The following KHDRBS2 variants were observed in gnomAD, a reference collection of about 807,000 sequenced individuals.
KHDRBS2 encodes the protein KH domain-containing, RNA-binding, signal transduction-associated protein 2.
Under a neutral mutation model 44.3 loss-of-function variants are expected in KHDRBS2, and 26 were observed. The observed-to-expected ratio is 0.59, with a 90% CI of 0.43 to 0.81. KHDRBS2 has a LOEUF of 0.81. Ranked by LOEUF, KHDRBS2 falls within the 40% of genes least tolerant of loss-of-function variation. The pLI is 0.00. For missense variants in KHDRBS2, 476 were observed against 433.1 expected (o/e 1.10, Z -0.88); for synonymous variants, 194 against 151.1 (o/e 1.28, Z -2.08).
intron 1 of KHDRBS2, among the ~76,000 whole-genome samples, chr6:62,192,115 C>G (rs1418511200): frequency 6.6e-6 from 1 of 151,846 alleles, no homozygotes; most frequent in Non-Finnish European, 1.5e-5. Context: ...AAAATAAGCT[C>G]TCAGAGAGCT....
At chr6:62,184,652 G>C (rs557089314) in intron 1 of KHDRBS2, among the ~76,000 whole-genome samples, 1 of 151,768 alleles carries the variant, frequency 6.6e-6, no homozygotes, top group South Asian at 2.1e-4. Context: ...CCAGGGAGTG[G>C]GCAATTAAAG....
chr6:62,140,299 T>C (rs772902116), intron 2 of KHDRBS2, among the ~76,000 whole-genome samples: 3 of 152,174 alleles, frequency 2.0e-5, no homozygotes, highest in Non-Finnish European at 4.4e-5. Flanking sequence ...GCAGAAGAGC[T>C]AGGTACAGAC....
chr6:61,817,895 G>A (rs191761771), intron 6 of KHDRBS2, among the ~76,000 whole-genome samples: 7 of 152,198 alleles, frequency 4.6e-5, no homozygotes, highest in African/African-American at 9.6e-5. Context: ...ATTGGTGACA[G>A]GCCAGACTTT....
chr6:61,862,346 C>T (rs1797109747), intron 6 of KHDRBS2, among the ~76,000 whole-genome samples: 1 of 152,084 alleles, frequency 6.6e-6, no homozygotes, highest in Admixed American at 6.5e-5. Flanking sequence ...CCAGAACTTC[C>T]AATACTATGT....
At chr6:61,646,786 C>T in the KHDRBS2 span, among the ~76,000 whole-genome samples, 1 of 152,022 alleles carries the variant, frequency 6.6e-6, no homozygotes, top group African/African-American at 2.4e-5. Context: ...TAGCAAAGAA[C>T]AAGCAGAAAA....
chr6:62,067,601 A>C (rs1794043184), intron 2 of KHDRBS2, among the ~76,000 whole-genome samples: 1 of 151,572 alleles, frequency 6.6e-6, no homozygotes, highest in Non-Finnish European at 1.5e-5. Context: ...ACGTACCATA[A>C]AATTAGTTCA....
intron 1 of KHDRBS2, among the ~76,000 whole-genome samples, chr6:62,193,384 T>C (rs1452645862): frequency 2.0e-5 from 3 of 152,068 alleles, no homozygotes; most frequent in Non-Finnish European, 4.4e-5. Context: ...TAATCAAATA[T>C]GTGTTCTAAT....
intron 4 of KHDRBS2, among the ~76,000 whole-genome samples, chr6:61,957,344 T>A (rs1422640216): frequency 6.6e-6 from 1 of 152,172 alleles, no homozygotes; most frequent in Non-Finnish European, 1.5e-5. Flanking sequence ...ACAAGGGAGA[T>A]AACCTTAAAC....
At chr6:62,218,766 C>T (rs1830420541) in intron 1 of KHDRBS2, among the ~76,000 whole-genome samples, 1 of 151,812 alleles carries the variant, frequency 6.6e-6, no homozygotes, top group South Asian at 2.1e-4. Context: ...ACAGAATCAA[C>T]TTAAGTATCC....
At chr6:61,569,182 A>C in the KHDRBS2 span, among the ~76,000 whole-genome samples, 1 of 152,062 alleles carries the variant, frequency 6.6e-6, no homozygotes, top group Non-Finnish European at 1.5e-5. Flanking sequence ...CCTCTGGAAC[A>C]TAACTCCATG....
At position 61,685,409 on chromosome 6, in the gene KHDRBS2, C is replaced by T. The variant is rs531891174; in HGVS notation, c.953-4349G>A. ...GTAAGCTGCATATAAATAAATGGTG[C>T]TACTAAATAAAAAAGGGGTTTCAAA... On this transcript the variant is annotated intron_variant, in intron 8 of 8. Transcript: ENST00000281156. 3.3e-5 allele frequency among the ~76,000 whole-genome samples: 5 copies of T among 151,656 alleles called. No individual in the cohort carries two copies. The South Asian group carries it at 6.2e-4, about 19-fold the overall frequency.
At chr6:61,631,913 G>C in the KHDRBS2 span, among the ~76,000 whole-genome samples, 336 of 152,194 alleles carry the variant, frequency 2.2e-3, 3 homozygotes, top group African/African-American at 7.7e-3. Context: ...CAATCCGCAA[G>C]AGCATCCAAC....
intron 3 of KHDRBS2, among the ~76,000 whole-genome samples, chr6:62,019,094 G>A (rs1425898266): frequency 6.6e-6 from 1 of 152,006 alleles, no homozygotes; most frequent in Non-Finnish European, 1.5e-5. Context: ...TGAAGGCACT[G>A]ATCTGGAATA....
At chr6:62,105,628 C>A (rs1803033181) in intron 2 of KHDRBS2, among the ~76,000 whole-genome samples, 1 of 152,080 alleles carries the variant, frequency 6.6e-6, no homozygotes, top group East Asian at 1.9e-4. Flanking sequence ...GTGATATCCC[C>A]TTTATCATTT....
intron 2 of KHDRBS2, among the ~76,000 whole-genome samples, chr6:62,111,998 T>C (rs1470846269): frequency 6.6e-6 from 1 of 152,152 alleles, no homozygotes; most frequent in Non-Finnish European, 1.5e-5. Context: ...GTGAAGCTGA[T>C]GCTACTAGTC....
the KHDRBS2 span, among the ~76,000 whole-genome samples, chr6:61,572,834 C>T: frequency 1.3e-5 from 2 of 152,074 alleles, no homozygotes; most frequent in Non-Finnish European, 2.9e-5. Context: ...TAATAAAAGC[C>T]ATCTATGAAA....
rs73491148 is a variant in KHDRBS2 at position 62,136,298 on chromosome 6, C to T, written c.219+40887G>A. On this transcript the variant is annotated intron_variant, in intron 2 of 8. Transcript: ENST00000281156. ...TTTGTCCACTCTTGGTCTAAGGAAT[C>T]TTGTGTTCTAATGATAACACTTTAC... 1.4e-3 allele frequency among the ~76,000 whole-genome samples: 210 copies of T among 152,282 alleles called. 1 individual carries two copies. The highest frequency in any genetic ancestry group is 4.9e-3 in the African/African-American group (203 of 41,564).
At chr6:61,774,396 T>A (rs1273900561) in intron 6 of KHDRBS2, among the ~76,000 whole-genome samples, 2 of 152,024 alleles carry the variant, frequency 1.3e-5, no homozygotes, top group East Asian at 1.9e-4. Context: ...TCTAGAAAAC[T>A]GCATTGTCTC....
At chr6:61,761,208 G>T (rs1231830804) in intron 6 of KHDRBS2, among the ~76,000 whole-genome samples, 1 of 152,144 alleles carries the variant, frequency 6.6e-6, no homozygotes, top group African/African-American at 2.4e-5. Flanking sequence ...TGCAAATCAG[G>T]ATGCAGATCA....
Sources: gnomAD v4.1 joint callset for allele counts (sites outside exome capture counted in the v4.1 genomes callset) on GRCh38, gnomAD v4.1.1 for gene constraint, MANE v1.5 for transcripts, NCBI Gene and HGNC (gene_info 2026-07-23, HGNC 2026-07-21) for gene names.